LRRC37A2: variants seen among roughly 807,000 people sequenced by gnomAD.
The protein encoded by LRRC37A2 is leucine rich repeat containing 37 member A2.
In LRRC37A2, 9 loss-of-function variants were observed where a neutral mutation model predicts 68.8. The observed-to-expected ratio is 0.13, with a 90% CI of 0.08 to 0.23. The LOEUF is 0.23. Among genes scored for constraint, LRRC37A2 ranks in the 10% least tolerant of loss-of-function variants. The pLI is 1.00. For missense variants in LRRC37A2, 168 were observed against 950.4 expected (o/e 0.18, Z 10.82); for synonymous variants, 63 against 367.6 (o/e 0.17, Z 9.48).
chr17:46,790,756 C>A, the LRRC37A2 span, among the ~76,000 whole-genome samples: 1 of 152,258 alleles, frequency 6.6e-6, no homozygotes, highest in Admixed American at 6.5e-5. Flanking sequence ...GATCCAGCAG[C>A]CATGAAGAAG....
chr17:46,691,745 G>C, the LRRC37A2 span, among the ~76,000 whole-genome samples: 1 of 151,430 alleles, frequency 6.6e-6, no homozygotes, highest in Admixed American at 6.6e-5. Context: ...TACCAGTTTT[G>C]TTAATCCCTA....
the LRRC37A2 span, among the ~76,000 whole-genome samples, chr17:47,028,635 G>A: frequency 2.0e-5 from 3 of 152,134 alleles, no homozygotes; most frequent in Non-Finnish European, 4.4e-5. Context: ...ATTGCTGGGC[G>A]GGGTGGCTCA....
the LRRC37A2 span, among the ~76,000 whole-genome samples, chr17:46,822,073 G>C: frequency 1.1e-4 from 17 of 152,346 alleles, no homozygotes; most frequent in African/African-American, 4.1e-4. Context: ...CCGTTGCAGC[G>C]GGGAAGCAGG....
the LRRC37A2 span, among the ~76,000 whole-genome samples, chr17:47,004,384 G>A: frequency 3.3e-5 from 5 of 152,330 alleles, no homozygotes; most frequent in African/African-American, 1.2e-4. Context: ...ACCCAATCCA[G>A]GGGCTTTTCC....
chr17:46,780,742 G>T, the LRRC37A2 span, among the ~76,000 whole-genome samples: 2 of 151,800 alleles, frequency 1.3e-5, no homozygotes, highest in Admixed American at 1.3e-4. Context: ...GCGCCACTGC[G>T]CTCCAGCCTG....
At chr17:46,946,683 T>C in the LRRC37A2 span, among the ~76,000 whole-genome samples, 66,200 of 151,614 alleles carry the variant, frequency 0.44, 14,819 homozygotes, top group South Asian at 0.52. Context: ...GCCAACATGG[T>C]GAAACCCCGT....
chr17:46,882,759 G>A, the LRRC37A2 span, among the ~76,000 whole-genome samples: 4 of 152,162 alleles, frequency 2.6e-5, no homozygotes, highest in African/African-American at 9.7e-5. Context: ...TGGTGCACGA[G>A]GCACGTGACA....
the LRRC37A2 span, chr17:46,755,566 C>A: frequency 1.5e-6 from 1 of 688,270 alleles, no homozygotes. Flanking sequence ...CTTCGCAAAA[C>A]TTCCTTGTCA....
the LRRC37A2 span, chr17:46,756,911 A>C: frequency 1.3e-5 from 2 of 152,562 alleles, no homozygotes; most frequent in Non-Finnish European, 2.9e-5. Flanking sequence ...AGTCCTTTTG[A>C]GGGTGATTTG....
chr17:46,919,430 A>G, the LRRC37A2 span, among the ~76,000 whole-genome samples: 2 of 152,194 alleles, frequency 1.3e-5, no homozygotes, highest in African/African-American at 4.8e-5. Flanking sequence ...AAATACGTAT[A>G]AAGACTTAAG....
At chr17:46,551,089 C>T (rs1321879451) in intron 11 of LRRC37A2, among the ~76,000 whole-genome samples, 7 of 150,062 alleles carry the variant, frequency 4.7e-5, no homozygotes, top group East Asian at 1.9e-4. Flanking sequence ...TGAGGGGGAA[C>T]GTCTCATACT....
chr17:46,828,332 G>A, the LRRC37A2 span, among the ~76,000 whole-genome samples: 1 of 152,012 alleles, frequency 6.6e-6, no homozygotes, highest in Non-Finnish European at 1.5e-5. Flanking sequence ...AAGGAGCTGG[G>A]ACTACAGGCA....
the LRRC37A2 span, among the ~76,000 whole-genome samples, chr17:47,002,977 T>C: frequency 3.9e-5 from 6 of 152,028 alleles, no homozygotes; most frequent in Admixed American, 6.6e-5. Flanking sequence ...GGAAGCTGGG[T>C]GTGATGGTTC....
At chr17:46,959,904 TCTAAAG>T in the LRRC37A2 span, among the ~76,000 whole-genome samples, 22 of 152,318 alleles carry the variant, frequency 1.4e-4, no homozygotes, top group Admixed American at 3.9e-4. Context: ...AGAGAGCTCC[TCTAAAG>T]GAATTCAGGC....
At chr17:46,936,910 T>A in the LRRC37A2 span, 1 of 657,062 alleles carries the variant, frequency 1.5e-6, no homozygotes, top group Non-Finnish European at 1.9e-6. Flanking sequence ...CCATGATGCC[T>A]AATGTTGATC....
intron 10 of LRRC37A2, 57 bp from the exon 10 acceptor site, chr17:46,550,358 G>C: frequency 3.8e-6 from 2 of 527,140 alleles, no homozygotes; most frequent in Admixed American, 5.7e-5. Context: ...TGGAATACTG[G>C]GGTTTTGAAT....
the LRRC37A2 span, among the ~76,000 whole-genome samples, chr17:47,026,367 G>A: frequency 6.6e-6 from 1 of 152,224 alleles, no homozygotes; most frequent in Non-Finnish European, 1.5e-5. Flanking sequence ...GCCAACATGG[G>A]GAACCATGTT....
chr17:46,875,469 G>T, the LRRC37A2 span: 1 of 1,412,344 alleles, frequency 7.1e-7, no homozygotes, highest in Non-Finnish European at 9.4e-7. Context: ...AATACATGAA[G>T]AGCCGTGAAC....
At chr17:46,733,149 C>T in the LRRC37A2 span, among the ~76,000 whole-genome samples, 552 of 152,278 alleles carry the variant, frequency 3.6e-3, 1 homozygote, top group Non-Finnish European at 6.4e-3. Flanking sequence ...GTCTCTTTTA[C>T]TTGATGACAC....
Sources: allele counts gnomAD v4.1 joint callset (sites outside exome capture counted in the v4.1 genomes callset), GRCh38; gene constraint gnomAD v4.1.1; transcripts MANE v1.5; gene names NCBI Gene and HGNC (gene_info 2026-07-23, HGNC 2026-07-21).